The following CCDC192 variants were observed in gnomAD, a reference collection of about 807,000 sequenced individuals.
CCDC192 encodes the protein coiled-coil domain-containing protein 192.
At chr5:127,831,578 A>T (rs999820187) in intron 5 of CCDC192, among the ~76,000 whole-genome samples, 2 of 152,198 alleles carry the variant, frequency 1.3e-5, no homozygotes, top group African/African-American at 4.8e-5. Context: ...CGATAAGGAA[A>T]CAACTTATGG....
chr5:127,755,578 TG>T (rs1418634579), intron 3 of CCDC192, among the ~76,000 whole-genome samples: 1 of 151,098 alleles, frequency 6.6e-6, no homozygotes, highest in Non-Finnish European at 1.5e-5. Context: ...TGCCAACTGT[TG>T]TTTTTTTTTT....
At chr5:127,733,933 T>A (rs145321115) in intron 2 of CCDC192, among the ~76,000 whole-genome samples, 8,870 of 150,022 alleles carry the variant, frequency 0.059, 542 homozygotes, top group East Asian at 0.26. Context: ...ATATATATAT[T>A]TTTTTATTAT....
At chr5:127,790,262 T>C (rs1159672194) in intron 3 of CCDC192, among the ~76,000 whole-genome samples, 1 of 152,214 alleles carries the variant, frequency 6.6e-6, no homozygotes, top group African/African-American at 2.4e-5. Flanking sequence ...CCTTCTGGAA[T>C]GGAAATATCT....
intron 5 of CCDC192, among the ~76,000 whole-genome samples, chr5:127,808,773 A>G (rs932747275): frequency 7.9e-5 from 12 of 151,894 alleles, no homozygotes; most frequent in Non-Finnish European, 1.6e-4. Flanking sequence ...CCTTTATTCT[A>G]CTCCATTAGT....
intron 6 of CCDC192, among the ~76,000 whole-genome samples, chr5:127,938,502 C>T (rs1462050695): frequency 6.6e-6 from 1 of 152,138 alleles, no homozygotes; most frequent in African/African-American, 2.4e-5. Context: ...GAAGGAAATG[C>T]TAGCCCAGCA....
intron 5 of CCDC192, among the ~76,000 whole-genome samples, chr5:127,828,785 T>C (rs140866462): frequency 1.2e-3 from 181 of 152,304 alleles, no homozygotes; most frequent in African/African-American, 3.9e-3. Context: ...GGGTATTATA[T>C]TTAGTCCCTT....
chr5:127,882,873 C>G (rs1242034835), intron 6 of CCDC192, among the ~76,000 whole-genome samples: 2 of 152,208 alleles, frequency 1.3e-5, no homozygotes, highest in African/African-American at 4.8e-5. Flanking sequence ...TTCTCCCAGC[C>G]TAGCTCTTTC....
intron 2 of CCDC192, among the ~76,000 whole-genome samples, chr5:127,746,882 T>G (rs1753779891): frequency 6.6e-6 from 1 of 152,128 alleles, no homozygotes; most frequent in African/African-American, 2.4e-5. Context: ...CAAGGTTCAA[T>G]GTATAGTATG....
rs960190649 is a variant in CCDC192 at position 127,741,599 on chromosome 5, T to C, written c.115-12669T>C. On this transcript the variant is annotated intron_variant, in intron 2 of 6. Transcript: ENST00000514853. ...AGGTGTTCAAAGGAGTCTCTGTTGC[T>C]CATAAATCAAAATGATAGAGGGCTA... Among the ~76,000 whole-genome samples, 5 of 152,184 alleles carry C rather than the reference T, an allele frequency of 3.3e-5. No individual in the cohort carries two copies. In the East Asian group the frequency reaches 9.6e-4, roughly 29 times the overall value.
At chr5:127,881,632 TG>T (rs1314372281) in intron 6 of CCDC192, among the ~76,000 whole-genome samples, 2 of 152,232 alleles carry the variant, frequency 1.3e-5, no homozygotes, top group Non-Finnish European at 2.9e-5. Flanking sequence ...TCATTGGCAG[TG>T]TGCTTAAATT....
chr5:127,754,939 C>G (rs929329370), intron 3 of CCDC192, among the ~76,000 whole-genome samples: 1 of 152,192 alleles, frequency 6.6e-6, no homozygotes, highest in Admixed American at 6.5e-5. Flanking sequence ...GCATGTACAG[C>G]AGCTCCATGA....
chr5:127,731,005 G>A (rs190651027), intron 2 of CCDC192, among the ~76,000 whole-genome samples: 108 of 152,292 alleles, frequency 7.1e-4, no homozygotes, highest in Admixed American at 5.4e-3. Context: ...AGTATTGGAA[G>A]TTTTGGCCAG....
At chr5:127,709,887 C>T (rs559233037) in intron 2 of CCDC192, among the ~76,000 whole-genome samples, 1 of 152,224 alleles carries the variant, frequency 6.6e-6, no homozygotes, top group African/African-American at 2.4e-5. Flanking sequence ...ATCTTCAGGG[C>T]ACCAATTTCT....
chr5:127,808,724 C>T (rs115669414), intron 5 of CCDC192, among the ~76,000 whole-genome samples: 237 of 152,250 alleles, frequency 1.6e-3, no homozygotes, highest in African/African-American at 5.5e-3. Context: ...AGTAAGAAGC[C>T]AACCTCTCCT....
chr5:127,736,707 T>C (rs1242519820), intron 2 of CCDC192, among the ~76,000 whole-genome samples: 22 of 151,622 alleles, frequency 1.5e-4, no homozygotes, highest in Non-Finnish European at 3.1e-4. Flanking sequence ...ATTTTCTAGT[T>C]TATTTGCATA....
At chr5:127,887,594 A>G (rs942103870) in intron 6 of CCDC192, among the ~76,000 whole-genome samples, 8 of 152,150 alleles carry the variant, frequency 5.3e-5, no homozygotes, top group Non-Finnish European at 1.2e-4. Flanking sequence ...AATTTCTGAC[A>G]ATATGTAGTT....
intron 5 of CCDC192, among the ~76,000 whole-genome samples, chr5:127,860,717 A>G (rs1005987989): frequency 6.6e-6 from 1 of 152,232 alleles, no homozygotes; most frequent in Admixed American, 6.5e-5. Flanking sequence ...ATAAACAGAA[A>G]GCATGCAAAT....
chr5:127,722,466 T>G (rs1266959603), intron 2 of CCDC192, among the ~76,000 whole-genome samples: 1 of 152,156 alleles, frequency 6.6e-6, no homozygotes, highest in Non-Finnish European at 1.5e-5. Flanking sequence ...TAATGTCATG[T>G]GATCCCATTT....
At chr5:127,875,123 G>A (rs1438540014) in intron 5 of CCDC192, among the ~76,000 whole-genome samples, 1 of 152,056 alleles carries the variant, frequency 6.6e-6, no homozygotes, top group Admixed American at 6.5e-5. Context: ...GGTGTTGAGG[G>A]GGAAATGACT....
Sources: allele counts gnomAD v4.1 joint callset (sites outside exome capture counted in the v4.1 genomes callset), GRCh38; gene constraint gnomAD v4.1.1; transcripts MANE v1.5; gene names NCBI Gene and HGNC (gene_info 2026-07-23, HGNC 2026-07-21).